Variants in LHFPL3 observed in about 807,000 individuals in gnomAD.
LHFPL3 encodes the protein LHFPL tetraspan subfamily member 3 protein.
In LHFPL3, 5 loss-of-function variants were observed where a neutral mutation model predicts 19.3. The ratio of observed to expected loss-of-function variants is 0.26; its 90% CI spans 0.14 to 0.54. The LOEUF is 0.54. LHFPL3 is among the 20% of genes least tolerant of loss of function. The pLI is 0.94. For synonymous variants in LHFPL3, 133 were observed against 126.2 expected (o/e 1.05, Z -0.36); for missense variants, 249 against 307.4 (o/e 0.81, Z 1.42).
intron 1 of LHFPL3, among the ~76,000 whole-genome samples, chr7:104,623,617 G>A (rs1170686221): frequency 8.7e-6 from 1 of 115,336 alleles, no homozygotes; most frequent in Non-Finnish European, 2.0e-5. Context: ...GCAACAGAGT[G>A]TGAGACTCTG....
At chr7:104,406,613 C>G (rs1213499059) in intron 1 of LHFPL3, among the ~76,000 whole-genome samples, 1 of 152,234 alleles carries the variant, frequency 6.6e-6, no homozygotes, top group Non-Finnish European at 1.5e-5. Context: ...GATCTTTCCA[C>G]TGATCCAAAT....
chr7:104,372,293 G>A (rs541410637), intron 1 of LHFPL3, among the ~76,000 whole-genome samples: 8 of 152,216 alleles, frequency 5.3e-5, no homozygotes, highest in Non-Finnish European at 8.8e-5. Flanking sequence ...CAGGGAGCCT[G>A]TGAAATGGAA....
chr7:104,551,036 GACTGCAAGAC>G (rs1794653415), intron 1 of LHFPL3, among the ~76,000 whole-genome samples: 1 of 151,872 alleles, frequency 6.6e-6, no homozygotes, highest in African/African-American at 2.4e-5. Context: ...CTTTTCAATA[GACTGCAAGAC>G]ACAATGCGCT....
At chr7:104,574,940 G>A (rs1270851920) in intron 1 of LHFPL3, among the ~76,000 whole-genome samples, 1 of 152,108 alleles carries the variant, frequency 6.6e-6, no homozygotes, top group East Asian at 1.9e-4. Context: ...GGACAAAAAA[G>A]GGTACCCTGT....
intron 1 of LHFPL3, among the ~76,000 whole-genome samples, chr7:104,476,638 T>G (rs150345239): frequency 0.027 from 4,156 of 152,254 alleles, 191 homozygotes; most frequent in African/African-American, 0.093. Flanking sequence ...TTTTGTATTT[T>G]CAGTAGAGAC....
intron 2 of LHFPL3, chr7:104,894,750 A>C (rs1190258908): frequency 6.6e-6 from 1 of 152,198 alleles, no homozygotes; most frequent in Non-Finnish European, 1.5e-5. Context: ...CCTAAAGAGG[A>C]TAAATGTTTA....
chr7:104,497,890 C>A (rs1793516954), intron 1 of LHFPL3, among the ~76,000 whole-genome samples: 2 of 146,616 alleles, frequency 1.4e-5, no homozygotes, highest in South Asian at 4.2e-4. Flanking sequence ...AAGGTCCTAA[C>A]CTTTTGTAGA....
At chr7:104,440,805 CTAAG>C (rs1792210962) in intron 1 of LHFPL3, among the ~76,000 whole-genome samples, 1 of 152,054 alleles carries the variant, frequency 6.6e-6, no homozygotes, top group African/African-American at 2.4e-5. Flanking sequence ...AATTTGTGAC[CTAAG>C]TGAGACAAGC....
At chr7:104,547,270 A>AAAAAAAAAAG (rs1352399070) in intron 1 of LHFPL3, among the ~76,000 whole-genome samples, 1 of 150,772 alleles carries the variant, frequency 6.6e-6, no homozygotes, top group African/African-American at 2.5e-5. Flanking sequence ...AAAAAAAAAA[A>AAAAAAAAAAG]GAAATAGTAG....
intron 2 of LHFPL3, among the ~76,000 whole-genome samples, chr7:104,879,599 C>T (rs959477410): frequency 6.6e-6 from 1 of 152,130 alleles, no homozygotes; most frequent in African/African-American, 2.4e-5. Context: ...GTGGCACACA[C>T]TTGTAGTCCT....
chr7:104,668,839 T>G, intron 1 of LHFPL3: 1 of 1,611,732 alleles, frequency 6.2e-7, no homozygotes, highest in Non-Finnish European at 8.5e-7. Flanking sequence ...GGGCAAAGCC[T>G]GTTGACACAG....
At chr7:104,382,915 T>C (rs1452600852) in intron 1 of LHFPL3, among the ~76,000 whole-genome samples, 7 of 55,952 alleles carry the variant, frequency 1.3e-4, no homozygotes, top group African/African-American at 2.5e-4. Flanking sequence ...TCAAAATGCC[T>C]ATTGCATACT....
In LHFPL3 at chr7:104,716,367, G is replaced by T. The variant is rs146376454; in HGVS notation, c.446-20308G>T. Among the ~76,000 whole-genome samples the T allele has an allele frequency of 2.3e-4, 35 of 151,196 alleles. No individual in the cohort carries two copies. In the East Asian group the frequency reaches 6.2e-3, roughly 27 times the overall value. On this transcript the variant is annotated intron_variant, in intron 1 of 2. Transcript: ENST00000424859. ...CAAAAAAAAAAAGCCATCCAAATCA[G>T]AAAGGAAGAAGTAAAATTTTCCTTG...
At chr7:104,874,595 G>T (rs1358210109) in intron 2 of LHFPL3, among the ~76,000 whole-genome samples, 1 of 152,058 alleles carries the variant, frequency 6.6e-6, no homozygotes, top group Non-Finnish European at 1.5e-5. Context: ...TATTTTTAGA[G>T]ACAGGGTTTC....
chr7:104,397,855 C>T (rs1379200143), intron 1 of LHFPL3, among the ~76,000 whole-genome samples: 4 of 152,162 alleles, frequency 2.6e-5, no homozygotes, highest in Non-Finnish European at 2.9e-5. Flanking sequence ...GAGGGACATT[C>T]CTTGTTAAGG....
chr7:104,584,868 A>G (rs893598890), intron 1 of LHFPL3, among the ~76,000 whole-genome samples: 3 of 152,228 alleles, frequency 2.0e-5, no homozygotes, highest in African/African-American at 7.2e-5. Context: ...GGTGATCTCA[A>G]CTAACCCAAA....
intron 1 of LHFPL3, among the ~76,000 whole-genome samples, chr7:104,610,005 A>T (rs536037215): frequency 6.6e-6 from 1 of 152,208 alleles, no homozygotes; most frequent in Non-Finnish European, 1.5e-5. Flanking sequence ...TTAAACAGAC[A>T]TCAACGTGTT....
chr7:104,636,898 C>T (rs969098427), intron 1 of LHFPL3, among the ~76,000 whole-genome samples: 2 of 152,144 alleles, frequency 1.3e-5, no homozygotes, highest in Admixed American at 1.3e-4. Flanking sequence ...TGGGTATATA[C>T]CCTGTAATTG....
chr7:104,421,919 G>A (rs575942643), intron 1 of LHFPL3, among the ~76,000 whole-genome samples: 2 of 152,220 alleles, frequency 1.3e-5, no homozygotes, highest in South Asian at 4.2e-4. Flanking sequence ...ATCCTTATAA[G>A]GAAAGACCCC....
Sources: gnomAD v4.1 joint callset for allele counts (sites outside exome capture counted in the v4.1 genomes callset) on GRCh38, gnomAD v4.1.1 for gene constraint, MANE v1.5 for transcripts, NCBI Gene and HGNC (gene_info 2026-07-23, HGNC 2026-07-21) for gene names.